Variants in DNAH9 observed in about 807,000 individuals in gnomAD.
DNAH9 encodes dynein axonemal heavy chain 9.
DNAH9 carries 345 observed loss-of-function variants against 471.6 expected under a neutral mutation model. The ratio of observed to expected loss-of-function variants is 0.73; its 90% confidence interval spans 0.67 to 0.80. The LOEUF is 0.80. Ranked by LOEUF, DNAH9 falls within the 30% of genes least tolerant of loss-of-function variation. The probability of loss-of-function intolerance (pLI) is 0.00; values close to 1 mark genes in which losing one functional copy is unlikely to be tolerated. For missense variants in DNAH9, 5,407 were observed against 5,609.2 expected, an observed-to-expected ratio of 0.96 and a Z score of 1.15; for synonymous variants, 2,093 against 2,123.6, an observed-to-expected ratio of 0.99 and a Z score of 0.40.
intron 27 of DNAH9, among the ~76,000 whole-genome samples, chr17:11,722,099 T>C (rs7212778): frequency 0.011 from 1,647 of 152,036 alleles, 32 homozygotes; most frequent in African/African-American, 0.037. Flanking sequence ...AGAAAAAGGG[T>C]GCGAGGTCAG....
chr17:11,887,734 AG>A (rs755954580), intron 57 of DNAH9, among the ~76,000 whole-genome samples: 18 of 115,962 alleles, frequency 1.6e-4, no homozygotes, highest in Admixed American at 5.0e-4. Context: ...ACATACACAC[AG>A]TCACACACAC....
intron 26 of DNAH9, among the ~76,000 whole-genome samples, chr17:11,708,034 G>GAA (rs2074754997): frequency 6.7e-6 from 1 of 150,164 alleles, no homozygotes; most frequent in African/African-American, 2.5e-5. Context: ...GAGAGAGAGA[G>GAA]AGAGAGAGAG....
chr17:11,889,871 C>T (rs1972996744), intron 57 of DNAH9, among the ~76,000 whole-genome samples: 2 of 152,086 alleles, frequency 1.3e-5, no homozygotes, highest in Admixed American at 1.3e-4. Context: ...AATGATAAGA[C>T]CCCATGGGCA....
intron 17 of DNAH9, among the ~76,000 whole-genome samples, chr17:11,671,262 T>TG (rs1397891718): frequency 1.3e-5 from 2 of 152,234 alleles, no homozygotes; most frequent in African/African-American, 4.8e-5. Flanking sequence ...GAGCAGCAGA[T>TG]GACTCCCATA....
intron 26 of DNAH9, among the ~76,000 whole-genome samples, chr17:11,706,508 C>T (rs1018688227): frequency 6.6e-6 from 1 of 151,992 alleles, no homozygotes; most frequent in Non-Finnish European, 1.5e-5. Context: ...AAATAAGGTA[C>T]GAGGCCATAT....
At chr17:11,883,177 G>C (rs887329912) in intron 55 of DNAH9, 1 of 991,728 alleles carries the variant, frequency 1.0e-6, no homozygotes, top group Non-Finnish European at 1.2e-6. Flanking sequence ...TTTTAAGTAA[G>C]CCATAGGAGA....
chr17:11,864,844 C>A (rs1270783657), intron 50 of DNAH9, among the ~76,000 whole-genome samples: 1 of 151,444 alleles, frequency 6.6e-6, no homozygotes, highest in Non-Finnish European at 1.5e-5. Context: ...AGGATTACAA[C>A]CCCTGCCTTT....
chr17:11,614,625 A>G (rs2072705237), intron 4 of DNAH9, among the ~76,000 whole-genome samples: 1 of 152,210 alleles, frequency 6.6e-6, no homozygotes, highest in Admixed American at 6.5e-5. Context: ...GCAGAAATTT[A>G]TTTCTCATAG....
chr17:11,679,845 A>G lies in DNAH9; in HGVS notation c.3442A>G (p.Ile1148Val), dbSNP rs777262335. The change falls in exon 18 of 69, where the codon ATC becomes GTC. Residue 1148 changes from isoleucine (I) to valine (V), a missense_variant. Transcript: ENST00000262442. The stretch of plus-strand genomic sequence containing the variant: ...AGGAGATTTCCAAGGCTTGGTTGAG[A>G]TCATGGGACACCTTATGGCTGTTAA... ...EKGDFQGLVE[I>V]MGHLMAVKER... 1.7e-5 allele frequency: 28 copies of G among 1,613,998 alleles called. No individual in the cohort carries two copies. Among genetic ancestry groups the G allele is most frequent in the Non-Finnish European group, 2.1e-5 (25 of 1,180,014 alleles).
At chr17:11,942,612 C>T in intron 67 of DNAH9, 127 bp downstream of exon 67, 1 of 977,436 alleles carries the variant, frequency 1.0e-6, no homozygotes, top group Non-Finnish European at 1.4e-6. Flanking sequence ...TCCTAGGTGC[C>T]CAAAAGTCAT....
chr17:11,705,078 T>G lies in DNAH9; in HGVS notation c.5445T>G (p.Asp1815Glu). The G allele has an allele frequency of 6.2e-7, 1 of 1,614,220 alleles. No homozygotes were observed. Among genetic ancestry groups the G allele is most frequent in the Non-Finnish European group, 8.5e-7 (1 of 1,180,010 alleles). Residue 1815 changes from aspartate to glutamate, a missense_variant, in exon 26 of 69, where the codon GAT becomes GAG. Physicochemically the swap from Asp to Glu is conservative, Grantham distance 45. Coordinates refer to ENST00000262442, the MANE Select transcript of DNAH9 (RefSeq NM_001372.4). ...TGTCTCAGCTGCGCCATCGTTGGGA[T>G]GACGAGGTCAAACACTGCTTTGCCA... ...LWLSQLRHRW[D>E]DEVKHCFANI...
In DNAH9 at chr17:11,699,910, T is replaced by C. The variant is rs930688591; in HGVS notation, c.5025+27T>C. The C allele has an allele frequency of 1.9e-6, 3 of 1,611,158 alleles. No homozygotes were observed. In the African/African-American group the frequency reaches 4.0e-5, roughly 22 times the overall value. Reference sequence around the variant, plus strand: ...TAACACAGTAGCCCTTTCCCCTCCTTCTGCTTTTCTCTCTCAAATGCCTTC... The same window carrying C: ...TAACACAGTAGCCCTTTCCCCTCCTCCTGCTTTTCTCTCTCAAATGCCTTC... On this transcript the variant is annotated intron_variant, in intron 23 of 68. Coordinates refer to ENST00000262442, the MANE Select transcript of DNAH9 (RefSeq NM_001372.4).
intron 68 of DNAH9, among the ~76,000 whole-genome samples, chr17:11,969,004 A>G (rs1976974092): frequency 6.6e-6 from 1 of 152,264 alleles, no homozygotes; most frequent in Admixed American, 6.5e-5. Flanking sequence ...TGCTCATGAA[A>G]TGAATTAATG....
At chr17:11,893,468 A>G (rs532412267) in intron 58 of DNAH9, among the ~76,000 whole-genome samples, 46 of 152,320 alleles carry the variant, frequency 3.0e-4, no homozygotes, top group African/African-American at 8.2e-4. Context: ...ACCAACCCAC[A>G]TGCCCATCAA....
intron 58 of DNAH9, among the ~76,000 whole-genome samples, chr17:11,893,543 G>T (rs1002143683): frequency 3.9e-5 from 6 of 152,118 alleles, no homozygotes; most frequent in Admixed American, 2.0e-4. Context: ...CCATAAAAAA[G>T]AACAAGTTCA....
chr17:11,757,733 A>C (rs765136832), intron 35 of DNAH9, 41 bp downstream of exon 35: 2 of 1,605,528 alleles, frequency 1.2e-6, no homozygotes, highest in South Asian at 1.1e-5. Flanking sequence ...TAAAGCAGCA[A>C]TAAAAAGCCC....
intron 3 of DNAH9, among the ~76,000 whole-genome samples, chr17:11,611,046 TTGCTCC>T (rs61286679): frequency 1.5e-4 from 23 of 150,988 alleles, no homozygotes; most frequent in African/African-American, 4.4e-4. Context: ...GGCTTCATTA[TTGCTCC>T]TGCTCCTGCT....
At chr17:11,646,161 G>A (rs112280537) in intron 11 of DNAH9, among the ~76,000 whole-genome samples, 2,054 of 149,460 alleles carry the variant, frequency 0.014, 57 homozygotes, top group African/African-American at 0.049. Context: ...TTACAGGTGT[G>A]AGCCACCACG....
intron 52 of DNAH9, among the ~76,000 whole-genome samples, chr17:11,873,072 A>G (rs1310563820): frequency 6.6e-6 from 1 of 152,248 alleles, no homozygotes; most frequent in Non-Finnish European, 1.5e-5. Flanking sequence ...AGATCAGCTC[A>G]TAAAACCCTG....
Sources: allele counts gnomAD v4.1 joint callset (sites outside exome capture counted in the v4.1 genomes callset), GRCh38; gene constraint gnomAD v4.1.1; transcripts MANE v1.5; gene names NCBI Gene and HGNC (gene_info 2026-07-23, HGNC 2026-07-21).